The following HSD17B11 variants were observed in gnomAD, a reference collection of about 807,000 sequenced individuals.
The protein encoded by HSD17B11 is hydroxysteroid 17-beta dehydrogenase 11.
Under a neutral mutation model 27.8 loss-of-function variants are expected in HSD17B11, and 22 were observed. That is an observed-to-expected ratio of 0.79 (90% confidence interval 0.56 to 1.13). The LOEUF (loss-of-function observed/expected upper bound fraction) is 1.13. Among genes scored for constraint, HSD17B11 ranks in the 50% most tolerant of loss-of-function variants. The pLI is 0.00. For synonymous variants in HSD17B11, 117 were observed against 132.8 expected (o/e 0.88, Z 0.82); for missense variants, 314 against 351.1 (o/e 0.89, Z 0.84).
At chr4:87,389,182 T>C (rs1720391214) in intron 1 of HSD17B11, among the ~76,000 whole-genome samples, 1 of 152,302 alleles carries the variant, frequency 6.6e-6, no homozygotes, top group South Asian at 2.1e-4. Context: ...GTATTTTTCA[T>C]TGCTCTTGTA....
At chr4:87,383,512 G>C (rs1456119960) in intron 1 of HSD17B11, among the ~76,000 whole-genome samples, 1 of 152,110 alleles carries the variant, frequency 6.6e-6, no homozygotes, top group East Asian at 1.9e-4. Context: ...GACTTGGTGA[G>C]TAGATGAGGA....
intron 5 of HSD17B11, among the ~76,000 whole-genome samples, chr4:87,353,384 G>A (rs1326549008): frequency 1.3e-5 from 2 of 152,110 alleles, no homozygotes; most frequent in African/African-American, 4.8e-5. Context: ...CATTTTATTT[G>A]GTGTCTGAAA....
intron 5 of HSD17B11, among the ~76,000 whole-genome samples, chr4:87,353,584 C>T (rs989170481): frequency 2.6e-5 from 4 of 152,124 alleles, no homozygotes; most frequent in Non-Finnish European, 4.4e-5. Flanking sequence ...TCATCTTAGC[C>T]TCTTTTCACA....
chr4:87,358,247 C>A (rs1021853184), intron 4 of HSD17B11, among the ~76,000 whole-genome samples: 9 of 152,124 alleles, frequency 5.9e-5, no homozygotes, highest in Admixed American at 1.3e-4. Flanking sequence ...AGGCGTGAGC[C>A]ACCACGCCCA....
In HSD17B11 at chr4:87,342,641, A is replaced by G. The variant is rs1014208885; in HGVS notation, c.696-2035T>C. Among the ~76,000 whole-genome samples, 4 of 152,310 alleles carry G rather than the reference A, an allele frequency of 2.6e-5. No homozygotes were observed. The East Asian group carries it at 7.7e-4, about 29-fold the overall frequency. ...ATATATTTTGAAGTAAAACTGGGACAATTGAGAAGTATAATATTGTATTTA... is the reference window on the plus strand; with the variant it reads ...ATATATTTTGAAGTAAAACTGGGACGATTGAGAAGTATAATATTGTATTTA... On this transcript the variant is annotated intron_variant, in intron 5 of 6. Coordinates refer to ENST00000358290, the MANE Select transcript of HSD17B11 (RefSeq NM_016245.5).
At chr4:87,343,768 G>T (rs1416349145) in intron 5 of HSD17B11, among the ~76,000 whole-genome samples, 1 of 152,032 alleles carries the variant, frequency 6.6e-6, no homozygotes, top group African/African-American at 2.4e-5. Flanking sequence ...GGCTGGTCTC[G>T]AACTCCTGAT....
intron 2 of HSD17B11, among the ~76,000 whole-genome samples, chr4:87,375,411 A>AT (rs1002537387): frequency 1.7e-4 from 26 of 152,130 alleles, no homozygotes; most frequent in African/African-American, 2.7e-4. Flanking sequence ...GCTAAGTAGC[A>AT]TTTTTTTTAA....
chr4:87,369,052 A>C (rs1240888318), intron 4 of HSD17B11, among the ~76,000 whole-genome samples: 1 of 152,230 alleles, frequency 6.6e-6, no homozygotes, highest in Non-Finnish European at 1.5e-5. Flanking sequence ...CACGAGATCC[A>C]AGAACCCTCT....
At chr4:87,342,719 T>A (rs910299760) in intron 5 of HSD17B11, among the ~76,000 whole-genome samples, 1 of 152,224 alleles carries the variant, frequency 6.6e-6, no homozygotes, top group Non-Finnish European at 1.5e-5. Flanking sequence ...TAAAAATATA[T>A]AAGCTTTAAT....
chr4:87,378,941 TATATA>T (rs1720044888), intron 2 of HSD17B11, among the ~76,000 whole-genome samples: 2 of 24,474 alleles, frequency 8.2e-5, no homozygotes, highest in Non-Finnish European at 1.4e-4. Flanking sequence ...TATATATATA[TATATA>T]TTTATATATA....
At chr4:87,337,932 T>C (rs1735081171) in intron 6 of HSD17B11, among the ~76,000 whole-genome samples, 2 of 152,184 alleles carry the variant, frequency 1.3e-5, no homozygotes, top group Non-Finnish European at 2.9e-5. Context: ...AAATAAAATG[T>C]CTTGGCCTGG....
chr4:87,382,224 G>T (rs776990034), intron 2 of HSD17B11, 31 bp downstream of exon 2: 1 of 1,504,202 alleles, frequency 6.6e-7, no homozygotes, highest in Non-Finnish European at 9.3e-7. Context: ...GCTCTAACAT[G>T]ATATGATTCT....
chr4:87,359,128 C>G (rs1735456358), intron 4 of HSD17B11, among the ~76,000 whole-genome samples: 1 of 152,146 alleles, frequency 6.6e-6, no homozygotes, highest in Non-Finnish European at 1.5e-5. Flanking sequence ...TTTCCTGAGG[C>G]CTCCCCAGCC....
At chr4:87,366,528 AAT>A (rs1292549179) in intron 4 of HSD17B11, among the ~76,000 whole-genome samples, 1 of 152,202 alleles carries the variant, frequency 6.6e-6, no homozygotes, top group Non-Finnish European at 1.5e-5. Flanking sequence ...TATTTGTATA[AAT>A]ATGTTATTGG....
chr4:87,342,578 T>C (rs1413875519), intron 5 of HSD17B11, among the ~76,000 whole-genome samples: 1 of 152,040 alleles, frequency 6.6e-6, no homozygotes, highest in Non-Finnish European at 1.5e-5. Context: ...GATGAAATTC[T>C]TTAGAAATAA....
chr4:87,380,930 C>G (rs1195252982), intron 2 of HSD17B11, among the ~76,000 whole-genome samples: 1 of 147,860 alleles, frequency 6.8e-6, no homozygotes, highest in Non-Finnish European at 1.5e-5. Context: ...CGTGTAATCC[C>G]AGCACTTTGG....
chr4:87,343,111 C>A (rs897851663), intron 5 of HSD17B11, among the ~76,000 whole-genome samples: 3 of 152,188 alleles, frequency 2.0e-5, no homozygotes, highest in Admixed American at 6.6e-5. Context: ...AGCGGTGCTG[C>A]ATTCACCAAA....
rs368632742 is a variant in HSD17B11 at position 87,358,412 on chromosome 4, G to A, written c.558-996C>T. Among the ~76,000 whole-genome samples, 174 of 152,254 alleles carry A rather than the reference G, an allele frequency of 1.1e-3. 2 individuals are homozygous for A. In the South Asian group the frequency reaches 0.027, roughly 24 times the overall value. ...TCAAATGAATGAATCACAATGCAAA[G>A]CGTTTATTTTAACAGCTCTTTCATT... On this transcript the variant is annotated intron_variant, in intron 4 of 6. Coordinates refer to ENST00000358290, the MANE Select transcript of HSD17B11 (RefSeq NM_016245.5).
chr4:87,358,016 C>T (rs1276689347), intron 4 of HSD17B11, among the ~76,000 whole-genome samples: 16 of 117,660 alleles, frequency 1.4e-4, no homozygotes, highest in African/African-American at 4.8e-4. Flanking sequence ...GGCTGGAGTG[C>T]GGTGGTGCGA....
Sources: allele counts gnomAD v4.1 joint callset (sites outside exome capture counted in the v4.1 genomes callset), GRCh38; gene constraint gnomAD v4.1.1; transcripts MANE v1.5; gene names NCBI Gene and HGNC (gene_info 2026-07-23, HGNC 2026-07-21).